The following INPPL1 variants were observed in gnomAD, a reference collection of about 807,000 sequenced individuals.
The protein encoded by INPPL1 is inositol polyphosphate phosphatase like 1.
INPPL1 carries 91 observed loss-of-function variants against 139.3 expected under a neutral mutation model. The ratio of observed to expected loss-of-function variants is 0.65; its 90% CI spans 0.55 to 0.78. The LOEUF is 0.78. Ranked by LOEUF, INPPL1 falls within the 30% of genes least tolerant of loss-of-function variation. INPPL1 has a pLI of 0.00. For missense variants in INPPL1, 1,411 were observed against 1,665.6 expected, an observed-to-expected ratio of 0.85 and a Z score of 2.66; for synonymous variants, 719 against 686.6, an observed-to-expected ratio of 1.05 and a Z score of -0.74.
At position 72,234,386 on chromosome 11, in the gene INPPL1, G is replaced by C; in HGVS notation, c.2318G>C (p.Cys773Ser). Residue 773 changes from cysteine (C) to serine (S), a missense_variant, in exon 20 of 28, where the codon TGC (cysteine) becomes TCC (serine). Cys to Ser is a moderately radical substitution (Grantham distance 112, BLOSUM62 -1). Around this residue, in one of 5 missense-constraint regions of INPPL1, gnomAD observed 363 missense variants for 446.2 expected, o/e 0.81. Coordinates refer to ENST00000298229, the MANE Select transcript of INPPL1 (RefSeq NM_001567.4). The surrounding 1 kb of genome is among the most constrained non-coding windows in gnomAD (Gnocchi z 4.2). ...TKFFIEFYST[C>S]LEEYKKSFEN... ...TTCTTCATCGAGTTCTACTCTACCT[G>C]CCTGGAGGGTCAGAGGCGTGGCAGG... is the stretch of plus-strand genomic sequence containing the variant. 1 of 1,613,956 alleles carries C rather than the reference G, an allele frequency of 6.2e-7. No individual in the cohort carries two copies. The highest frequency in any genetic ancestry group is 1.1e-5 in the South Asian group (1 of 91,078).
chr11:72,237,328 C>G lies in INPPL1; in HGVS notation c.3084C>G (p.His1028Gln). The G allele has an allele frequency of 6.2e-7, 1 of 1,614,024 alleles. No homozygotes were observed. Among genetic ancestry groups the G allele is most frequent in the East Asian group, 2.2e-5 (1 of 44,878 alleles). ...AITVPAPQLG[H>Q]HRHPRVGEGS... ...CAGTGCCTGCTCCACAGCTTGGGCACCACCGGCACCCTCGTGTGGGAGAGG... is the reference window on the plus strand; with the variant it reads ...CAGTGCCTGCTCCACAGCTTGGGCAGCACCGGCACCCTCGTGTGGGAGAGG... The change falls in exon 26 of 28, where the codon CAC becomes CAG. Residue 1028 changes from histidine (H) to glutamine (Q), a missense_variant. This residue lies in a region of INPPL1 where 438 missense variants were observed against 425.7 expected (regional missense o/e 1.03). Transcript: ENST00000298229.
At chr11:72,236,511 C>T (rs1948993121) in intron 25 of INPPL1, among the ~76,000 whole-genome samples, 1 of 152,208 alleles carries the variant, frequency 6.6e-6, no homozygotes, top group Non-Finnish European at 1.5e-5. Context: ...GTTTCCCAAA[C>T]TTAATGGGCC....
chr11:72,237,169 C>T lies in INPPL1; in HGVS notation c.2925C>T (p.Pro975=). The change falls in exon 26 of 28, where the codon CCC becomes CCT. Residue 975 remains proline, a synonymous_variant. Transcript: ENST00000298229. Reference sequence around the variant, plus strand: ...CTGAACCAGAAGGGGTGGCGGCCCCCCCACCCAAGAACAGCTTCAATAACC... The same window carrying T: ...CTGAACCAGAAGGGGTGGCGGCCCCTCCACCCAAGAACAGCTTCAATAACC... The part of the protein sequence containing the change: ...GAPEPEGVAA[P]PPKNSFNNPA... The T allele has an allele frequency of 6.2e-7, 1 of 1,603,744 alleles. No individual in the cohort carries two copies. Among genetic ancestry groups the T allele is most frequent in the South Asian group, 1.1e-5 (1 of 90,786 alleles).
In INPPL1 at chr11:72,235,323, T is replaced by C. The variant is rs768724301; in HGVS notation, c.2531T>C (p.Met844Thr). The C allele has an allele frequency of 2.5e-6, 4 of 1,614,054 alleles. No homozygotes were observed. Among genetic ancestry groups the C allele is most frequent in the African/African-American group, 1.3e-5 (1 of 74,984 alleles). The change falls in exon 23 of 28, where the codon ATG (methionine) becomes ACG (threonine). Residue 844 changes from methionine (M) to threonine (T), a missense_variant. Met to Thr is a moderately conservative substitution (Grantham distance 81). Around this residue, in one of 5 missense-constraint regions of INPPL1, gnomAD observed 99 missense variants for 171.6 expected, o/e 0.58. Coordinates refer to ENST00000298229, the MANE Select transcript of INPPL1 (RefSeq NM_001567.4). This position sits in a 1 kb window ranked among gnomAD's most constrained non-coding sequence, Gnocchi z 4.9. ...YGECVVALKSMIGSTAQQFLT... is the reference protein window; with the variant it reads ...YGECVVALKSTIGSTAQQFLT... ...GAGTGTGTGGTTGCACTCAAATCCA[T>C]GATCGGCAGCACGGCCCAACAGTTC...
At position 72,228,095 on chromosome 11, in the gene INPPL1, G is replaced by T; in HGVS notation, c.183-95G>T. 3.8e-6 allele frequency: 5 copies of T among 1,319,734 alleles called. No individual in the cohort carries two copies. The highest frequency in any genetic ancestry group is 5.5e-6 in the Non-Finnish European group (5 of 915,552). The allele number at this position is 1,319,734 out of a possible 1,614,324, so 81.8% of individuals were successfully genotyped here. A position where few individuals can be genotyped will look rare whatever the true frequency, so the allele number is the denominator to read the frequency against. ...GTTTTAGGGAAACCAAGCTGAGGGG[G>T]TTGGGGTGCTGAGCTTGCTGGCAGG... On this transcript the variant is annotated intron_variant, in intron 1 of 27. Transcript: ENST00000298229. The surrounding 1 kb of genome is among the most constrained non-coding windows in gnomAD (Gnocchi z 5.0).
In INPPL1 at chr11:72,231,199, G is replaced by T. The variant is rs374599320; in HGVS notation, c.1497+10G>T. On this transcript the variant is annotated intron_variant, in intron 12 of 27. Coordinates refer to ENST00000298229, the MANE Select transcript of INPPL1 (RefSeq NM_001567.4). ...TCTGGATTACCGCCCGGTGAGGGGG[G>T]GTCATCTTGTCCAGGACCCTGTCCT... is the stretch of plus-strand genomic sequence containing the variant. 158 of 1,605,708 alleles carry T rather than the reference G, an allele frequency of 9.8e-5. No individual in the cohort carries two copies. In the African/African-American group the frequency reaches 1.6e-3, roughly 17 times the overall value.
chr11:72,236,026 C>G, intron 25 of INPPL1, 40 bp downstream of exon 25: 9 of 1,138,148 alleles, frequency 7.9e-6, no homozygotes, highest in Non-Finnish European at 1.1e-5. Context: ...CTTCCCCCAC[C>G]CACCTCTATC....
In INPPL1 at chr11:72,228,324, C is replaced by T. The variant is rs200492197; in HGVS notation, c.247-24C>T. 213 of 1,613,982 alleles carry T rather than the reference C, an allele frequency of 1.3e-4. 1 individual carries two copies. The Admixed American group carries it at 3.4e-3, about 26-fold the overall frequency. On this transcript the variant is annotated intron_variant, in intron 2 of 27. Coordinates refer to ENST00000298229, the MANE Select transcript of INPPL1 (RefSeq NM_001567.4). This position sits in a 1 kb window ranked among gnomAD's most constrained non-coding sequence, Gnocchi z 5.0. ...CTTGGGGACCTGCTGGCTGACCCTT[C>T]CTCCCACCCTTGCTGGCCCACAGAC...
At chr11:72,236,060 C>T (rs1034944064) in intron 25 of INPPL1, 74 bp downstream of exon 25, 21 of 844,300 alleles carry the variant, frequency 2.5e-5, no homozygotes, top group Non-Finnish European at 3.7e-5. Flanking sequence ...TGCAGGGTCT[C>T]AGGGTTGGCC....
In INPPL1 at chr11:72,237,619, G is replaced by A; in HGVS notation, c.3375G>A (p.Gln1125=). 6.2e-7 allele frequency: 1 copy of A among 1,605,850 alleles called. No individual in the cohort carries two copies. The highest frequency in any genetic ancestry group is 1.3e-5 in the African/African-American group (1 of 74,938). The change falls in exon 26 of 28, where the codon CAG becomes CAA. Residue 1125 remains glutamine, a synonymous_variant. Coordinates refer to ENST00000298229, the MANE Select transcript of INPPL1 (RefSeq NM_001567.4). ...SGDDRSCSVL[Q]MAKTLSEVDY... ...ATGACCGGTCCTGCTCGGTGCTGCA[G>A]ATGGCCAAGACGCTGAGCGAGGTGG...
upstream of INPPL1, among the ~76,000 whole-genome samples, chr11:72,224,495 G>A (rs1948609155): frequency 6.6e-6 from 1 of 151,014 alleles, no homozygotes; most frequent in Non-Finnish European, 1.5e-5. Context: ...TCTCCAGGGG[G>A]TGCCTGGATC....
At chr11:72,224,303 G>C (rs182061749), upstream of INPPL1, among the ~76,000 whole-genome samples, 1 of 151,558 alleles carries the variant, frequency 6.6e-6, no homozygotes, top group Admixed American at 6.6e-5. Flanking sequence ...CAGGAGTTGG[G>C]GGCCCCGCCC....
chr11:72,237,263 G>A lies in INPPL1; in HGVS notation c.3019G>A (p.Ala1007Thr). ...LPPEPPSPAR[A>T]PVPSATKNKV... ...CCCGGAGCCACCCTCGCCTGCCAGGGCCCCTGTCCCATCTGCCACCAAGAA... is the reference window on the plus strand; with the variant it reads ...CCCGGAGCCACCCTCGCCTGCCAGGACCCCTGTCCCATCTGCCACCAAGAA... Residue 1007 changes from alanine to threonine, a missense_variant, in exon 26 of 28, where the codon GCC (alanine) becomes ACC (threonine). Around this residue, in one of 5 missense-constraint regions of INPPL1, gnomAD observed 438 missense variants for 425.7 expected, o/e 1.03. Transcript: ENST00000298229. 6.2e-7 allele frequency: 1 copy of A among 1,613,936 alleles called. No homozygotes were observed. Among genetic ancestry groups the A allele is most frequent in the Non-Finnish European group, 8.5e-7 (1 of 1,180,006 alleles).
intron 13 of INPPL1, 77 bp downstream of exon 13, chr11:72,231,692 T>C (rs1037691783): frequency 3.8e-6 from 4 of 1,048,016 alleles, no homozygotes; most frequent in African/African-American, 1.6e-5. Flanking sequence ...AAGCCTAGGA[T>C]TGCCCCATTT....
At position 72,228,762 on chromosome 11, in the gene INPPL1, T is replaced by C. The variant is rs1370555546; in HGVS notation, c.433T>C (p.Ser145Pro). ...TGAGAAGCCCCCGCTGCCCCCGCGC[T>C]CTGGCTCCACCAGCATTTCTGCCCC... ...EDEKPPLPPRSGSTSISAPTG... is the reference protein window; with the variant it reads ...EDEKPPLPPRPGSTSISAPTG... The change falls in exon 4 of 28, where the codon TCT (serine) becomes CCT (proline). Residue 145 changes from serine to proline, a missense_variant. This residue lies in a region of INPPL1 where 504 missense variants were observed against 595.6 expected (regional missense o/e 0.85). Transcript: ENST00000298229. This position sits in a 1 kb window ranked among gnomAD's most constrained non-coding sequence, Gnocchi z 5.0. 1 of 1,611,330 alleles carries C rather than the reference T, an allele frequency of 6.2e-7. No homozygotes were observed.
At chr11:72,236,670 C>A (rs1948996656) in intron 25 of INPPL1, among the ~76,000 whole-genome samples, 3 of 152,174 alleles carry the variant, frequency 2.0e-5, no homozygotes, top group Admixed American at 6.5e-5. Context: ...GGTGCTTTTT[C>A]ACTCATCTTC....
rs766302335 is a variant in INPPL1 at position 72,231,481 on chromosome 11, A to G, written c.1498-17A>G. 3 of 1,569,232 alleles carry G rather than the reference A, an allele frequency of 1.9e-6. No individual in the cohort carries two copies. The highest frequency in any genetic ancestry group is 2.2e-5 in the East Asian group (1 of 44,672). ...TGGGTGCAGCAGGGCAGTGGTGACC[A>G]TGCACTCTCTACCCAGATTGCCATG... On this transcript the variant is annotated splice_polypyrimidine_tract_variant and intron_variant, in intron 12 of 27. Coordinates refer to ENST00000298229, the MANE Select transcript of INPPL1 (RefSeq NM_001567.4).
chr11:72,232,280 C>T lies in INPPL1; in HGVS notation c.1656C>T (p.Gly552=). The change falls in exon 14 of 28, where the codon GGC becomes GGT. Residue 552 remains glycine, a synonymous_variant. Coordinates refer to ENST00000298229, the MANE Select transcript of INPPL1 (RefSeq NM_001567.4). ...TGGGCGTCTCCTTCATGTTTAATGG[C>T]ACCTCATTTGGCTTTGTGAATTGTC... The part of the protein sequence containing the change: ...GAVGVSFMFN[G]TSFGFVNCHL... The T allele has an allele frequency of 1.9e-6, 3 of 1,557,294 alleles. No individual in the cohort carries two copies. Among genetic ancestry groups the T allele is most frequent in the Non-Finnish European group, 2.6e-6 (3 of 1,149,714 alleles).
chr11:72,230,451 A>T lies in INPPL1; in HGVS notation c.1180A>T (p.Ile394Phe), dbSNP rs367563221. Residue 394 changes from isoleucine to phenylalanine, a missense_variant, in exon 10 of 28, where the codon ATC becomes TTC. By Grantham distance (21) the Ile-to-Phe change is conservative (BLOSUM62 0). Transcript: ENST00000298229. Reference sequence around the variant, plus strand: ...GGACCGGACTCAGCGCAAGGACTTCATCTTTGTCAGTGCCCGGGTGAGCAG... The same window carrying T: ...GGACCGGACTCAGCGCAAGGACTTCTTCTTTGTCAGTGCCCGGGTGAGCAG... Reference protein sequence around the residue: ...EKDRTQRKDFIFVSARKREAF... With the variant: ...EKDRTQRKDFFFVSARKREAF... The T allele has an allele frequency of 3.3e-5, 54 of 1,613,894 alleles. No homozygotes were observed. The highest frequency in any genetic ancestry group is 4.2e-5 in the Non-Finnish European group (50 of 1,180,032).
Sources: allele counts gnomAD v4.1 joint callset (sites outside exome capture counted in the v4.1 genomes callset), GRCh38; gene constraint gnomAD v4.1.1; regional missense constraint gnomAD v4.1.1; non-coding constraint Gnocchi (gnomAD v3.1); transcripts MANE v1.5; gene names NCBI Gene and HGNC (gene_info 2026-07-23, HGNC 2026-07-21).